Variants in HS3ST4 observed in about 807,000 individuals in gnomAD.
HS3ST4 encodes heparan sulfate glucosamine 3-O-sulfotransferase 4.
HS3ST4 carries 17 observed loss-of-function variants against 29.2 expected under a neutral mutation model. The ratio of observed to expected loss-of-function variants is 0.58; its 90% CI spans 0.40 to 0.87. The LOEUF (loss-of-function observed/expected upper bound fraction) is 0.87. HS3ST4 is among the 40% of genes least tolerant of loss of function. The pLI is 0.00. For missense variants in HS3ST4, 627 were observed against 634.5 expected (o/e 0.99, Z 0.13); for synonymous variants, 314 against 285.7 (o/e 1.10, Z -1.00).
At chr16:26,044,884 G>T (rs1167317594) in intron 1 of HS3ST4, among the ~76,000 whole-genome samples, 1 of 152,088 alleles carries the variant, frequency 6.6e-6, no homozygotes, top group African/African-American at 2.4e-5. Flanking sequence ...TATGTCCTGT[G>T]GTCACCGGCA....
At chr16:26,089,367 A>G (rs981120703) in intron 1 of HS3ST4, among the ~76,000 whole-genome samples, 3 of 152,180 alleles carry the variant, frequency 2.0e-5, no homozygotes, top group African/African-American at 7.2e-5. Flanking sequence ...AGTACTGATA[A>G]AGCATGTATC....
At chr16:26,134,617 C>T (rs1446987296) in intron 1 of HS3ST4, among the ~76,000 whole-genome samples, 1 of 152,078 alleles carries the variant, frequency 6.6e-6, no homozygotes, top group East Asian at 1.9e-4. Context: ...TCCTCAGCCT[C>T]CCAAAGTGCT....
intron 1 of HS3ST4, among the ~76,000 whole-genome samples, chr16:26,036,689 C>CCG (rs1361407492): frequency 1.3e-5 from 2 of 152,212 alleles, no homozygotes; most frequent in African/African-American, 4.8e-5. Context: ...GGTCACCCCC[C>CCG]TGTTTAAAAG....
At chr16:25,945,374 C>T (rs960009619) in intron 1 of HS3ST4, among the ~76,000 whole-genome samples, 5 of 152,122 alleles carry the variant, frequency 3.3e-5, no homozygotes, top group Non-Finnish European at 7.3e-5. Context: ...TAGATGACTA[C>T]ACCAGAGTTT....
intron 1 of HS3ST4, among the ~76,000 whole-genome samples, chr16:25,978,838 T>A (rs1968971460): frequency 1.3e-5 from 2 of 151,902 alleles, no homozygotes; most frequent in South Asian, 4.2e-4. Flanking sequence ...AAGCCCTGAA[T>A]GAGAGAAGCT....
At chr16:25,996,274 C>G (rs955105061) in intron 1 of HS3ST4, among the ~76,000 whole-genome samples, 2 of 152,164 alleles carry the variant, frequency 1.3e-5, no homozygotes, top group Non-Finnish European at 2.9e-5. Context: ...CTTCCTCCTC[C>G]ACCAGAGGGC....
chr16:25,778,496 A>G (rs929860129), intron 1 of HS3ST4, among the ~76,000 whole-genome samples: 5 of 152,206 alleles, frequency 3.3e-5, no homozygotes, highest in African/African-American at 1.2e-4. Flanking sequence ...GGCTAATTTG[A>G]TGTCAGCTTG....
At chr16:25,857,919 C>CCTTCCTTTCTTTCT (rs1455979612) in intron 1 of HS3ST4, among the ~76,000 whole-genome samples, 1 of 58,028 alleles carries the variant, frequency 1.7e-5, no homozygotes, top group African/African-American at 6.1e-5. Context: ...TTCCTTCCTT[C>CCTTCCTTTCTTTCT]CTTTCTTTCT....
At chr16:25,888,172 G>T (rs902793915) in intron 1 of HS3ST4, among the ~76,000 whole-genome samples, 2 of 152,084 alleles carry the variant, frequency 1.3e-5, no homozygotes, top group Non-Finnish European at 2.9e-5. Flanking sequence ...CTTCATCTGG[G>T]CTATACTGCT....
intron 1 of HS3ST4, among the ~76,000 whole-genome samples, chr16:26,062,378 C>T (rs1410546626): frequency 1.3e-5 from 2 of 152,188 alleles, no homozygotes; most frequent in South Asian, 2.1e-4. Context: ...GATTGGGGCA[C>T]ATTAAGCTTT....
rs761586317 is a variant in HS3ST4, at chr16:26,136,226, A to AACAGGAAG, written c.1351_1358dup (p.Glu453AspfsTer16). Reference sequence around the variant, plus strand: ...ATGACTGGTCAAGATTTTCAGTGGGAACAGGAAGAGGGTGATAAATGAGGC... The same window carrying AACAGGAAG: ...ATGACTGGTCAAGATTTTCAGTGGGAACAGGAAGACAGGAAGAGGGTGATAAATGAGGC... On this transcript the variant is annotated frameshift_variant, in exon 2 of 2. Coordinates refer to ENST00000331351, the MANE Select transcript of HS3ST4 (RefSeq NM_006040.3). LOFTEE classifies it high-confidence loss of function. 6.8e-6 allele frequency: 11 copies of AACAGGAAG among 1,613,026 alleles called. No homozygotes were observed. The South Asian group carries it at 1.1e-4, about 16-fold the overall frequency.
intron 1 of HS3ST4, among the ~76,000 whole-genome samples, chr16:25,712,927 C>T (rs554990839): frequency 6.6e-6 from 1 of 152,310 alleles, no homozygotes; most frequent in East Asian, 1.9e-4. Context: ...CCTTGGCTTG[C>T]AGACGGCTCT....
At chr16:25,760,925 A>T (rs1016550104) in intron 1 of HS3ST4, among the ~76,000 whole-genome samples, 12 of 152,238 alleles carry the variant, frequency 7.9e-5, no homozygotes, top group African/African-American at 2.9e-4. Flanking sequence ...ATGCTGAGGC[A>T]GAACCCAGGT....
chr16:25,994,811 G>C (rs1031133092), intron 1 of HS3ST4, among the ~76,000 whole-genome samples: 6 of 152,158 alleles, frequency 3.9e-5, no homozygotes, highest in African/African-American at 9.7e-5. Flanking sequence ...GAGAAAGAAA[G>C]CTCAGAGAAT....
chr16:25,862,211 A>T (rs1596594569), intron 1 of HS3ST4, among the ~76,000 whole-genome samples: 1 of 88,634 alleles, frequency 1.1e-5, no homozygotes, highest in South Asian at 3.8e-4. Context: ...ATTTATTTTT[A>T]AGACAGAGCC....
At chr16:25,822,295 T>G (rs768556849) in intron 1 of HS3ST4, among the ~76,000 whole-genome samples, 1 of 152,166 alleles carries the variant, frequency 6.6e-6, no homozygotes, top group African/African-American at 2.4e-5. Flanking sequence ...AAGAGGTCTC[T>G]CTTGAGCCTC....
chr16:25,819,867 C>T (rs1371399396), intron 1 of HS3ST4, among the ~76,000 whole-genome samples: 2 of 150,710 alleles, frequency 1.3e-5, no homozygotes, highest in South Asian at 2.1e-4. Flanking sequence ...AAAAATTATC[C>T]GGGAATGGTG....
intron 1 of HS3ST4, among the ~76,000 whole-genome samples, chr16:25,789,048 A>T (rs956863768): frequency 3.3e-5 from 5 of 152,100 alleles, no homozygotes; most frequent in African/African-American, 1.2e-4. Flanking sequence ...GGGCCAGGAG[A>T]TAGAATGCTC....
At chr16:26,112,538 G>T (rs905174982) in intron 1 of HS3ST4, among the ~76,000 whole-genome samples, 1 of 151,436 alleles carries the variant, frequency 6.6e-6, no homozygotes, top group African/African-American at 2.4e-5. Context: ...TAATAAATTA[G>T]ACTACATTAA....
Sources: gnomAD v4.1 joint callset for allele counts (sites outside exome capture counted in the v4.1 genomes callset) on GRCh38, gnomAD v4.1.1 for gene constraint, MANE v1.5 for transcripts, NCBI Gene and HGNC (gene_info 2026-07-23, HGNC 2026-07-21) for gene names.